The following ZNF575 variants were observed in gnomAD, a reference collection of about 807,000 sequenced individuals.
The protein encoded by ZNF575 is zinc finger protein 575.
ZNF575 carries 17 observed loss-of-function variants against 17.5 expected under a neutral mutation model. The observed-to-expected ratio is 0.97, with a 90% CI of 0.66 to 1.45. ZNF575 has a LOEUF of 1.45. ZNF575 is among the 40% of genes most tolerant of loss of function. ZNF575 has a pLI of 0.00. For missense variants in ZNF575, 352 were observed against 359.2 expected, an observed-to-expected ratio of 0.98 and a Z score of 0.16; for synonymous variants, 146 against 158.3, an observed-to-expected ratio of 0.92 and a Z score of 0.58.
chr19:43,533,447 G>T lies in ZNF575; in HGVS notation c.-269G>T, dbSNP rs1972369546. On this transcript the variant is annotated 5_prime_UTR_variant, in exon 1 of 4. Coordinates refer to ENST00000314228, the MANE Select transcript of ZNF575 (RefSeq NM_174945.3). ...GCTGGTCCGAGGGCAGTGCAGCAGC[G>T]GCGACAGCGGCTGCGGCCGTGGCCG... The T allele has an allele frequency of 6.6e-6, 1 of 152,108 alleles. No individual in the cohort carries two copies. Among genetic ancestry groups the T allele is most frequent in the African/African-American group, 2.4e-5 (1 of 41,414 alleles). 9.4% of individuals were successfully genotyped at this position (152,108 alleles called of 1,614,324 possible).
At chr19:43,532,390 G>A (rs1468520211), upstream of ZNF575, among the ~76,000 whole-genome samples, 1 of 152,168 alleles carries the variant, frequency 6.6e-6, no homozygotes, top group Non-Finnish European at 1.5e-5. Context: ...CCAGAGTGCT[G>A]GGATTACAGG....
At chr19:43,534,155 C>G (rs1253827488) in intron 2 of ZNF575, 182 bp from the exon 3 acceptor site, 2 of 509,500 alleles carry the variant, frequency 3.9e-6, no homozygotes, top group Non-Finnish European at 6.9e-6. Flanking sequence ...TGTGGAGACT[C>G]CGCCCACTCT....
At chr19:43,534,751 G>A (rs1253564661) in intron 3 of ZNF575, among the ~76,000 whole-genome samples, 1 of 152,164 alleles carries the variant, frequency 6.6e-6, no homozygotes, top group Non-Finnish European at 1.5e-5. Flanking sequence ...GGATGTCAGG[G>A]TGATCACTGG....
At chr19:43,534,093 C>T (rs1311410943) in intron 2 of ZNF575, 191 bp downstream of exon 2, 3 of 413,798 alleles carry the variant, frequency 7.2e-6, no homozygotes, top group Non-Finnish European at 1.3e-5. Flanking sequence ...GTCCCGCCCA[C>T]TCTGCGCATA....
chr19:43,536,022 T>G lies in ZNF575; in HGVS notation c.*335T>G. The G allele has an allele frequency of 3.3e-6, 1 of 307,592 alleles. No homozygotes were observed. The highest frequency in any genetic ancestry group is 6.1e-6 in the Non-Finnish European group (1 of 164,626). The allele number at this position is 307,592 out of a possible 1,614,324, so 19.1% of individuals were successfully genotyped here. ...AGGCTCTCTTGTTAAAAGTTTAAAC[T>G]GGTGTCTCCACTTTGGCCATATGAC... is the stretch of plus-strand genomic sequence containing the variant. On this transcript the variant is annotated 3_prime_UTR_variant, in exon 4 of 4. Transcript: ENST00000314228.
chr19:43,534,461 C>A lies in ZNF575; in HGVS notation c.39C>A (p.Thr13=). The A allele has an allele frequency of 6.6e-7, 1 of 1,517,282 alleles. No homozygotes were observed. 94.0% of individuals were successfully genotyped at this position (1,517,282 alleles called of 1,614,324 possible). ...ERGAESAAGA[T]DPSPTGKEPV... ...GCGCGGAGTCCGCGGCCGGGGCTAC[C>A]GATCCTAGTCCCACTGGCAAGGAAC... Residue 13 remains threonine (T), a synonymous_variant, in exon 3 of 4, where the codon ACC becomes ACA. Transcript: ENST00000314228.
At chr19:43,531,495 T>G (rs1361989908), upstream of ZNF575, among the ~76,000 whole-genome samples, 1 of 152,064 alleles carries the variant, frequency 6.6e-6, no homozygotes, top group African/African-American at 2.4e-5. Context: ...AGCAGGAGAA[T>G]CGCTTGAACT....
At chr19:43,531,007 G>A (rs1325610345), upstream of ZNF575, among the ~76,000 whole-genome samples, 2 of 152,026 alleles carry the variant, frequency 1.3e-5, no homozygotes, top group South Asian at 2.1e-4. Flanking sequence ...GGTTGGGCGC[G>A]GTGGCTCACA....
Position 43,535,020 on chromosome 19 carries a change from G to T in ZNF575, c.80-9G>T. The T allele has an allele frequency of 7.0e-7, 1 of 1,431,204 alleles. No individual in the cohort carries two copies. The highest frequency in any genetic ancestry group is 9.0e-7 in the Non-Finnish European group (1 of 1,105,110). The allele number at this position is 1,431,204 out of a possible 1,614,324, so 88.7% of individuals were successfully genotyped here. ...CTTCCTGGAGCCCACCAGCCCTCCTGTCCCCCAGCTCCCCACCAGGGCCCA... is the reference window on the plus strand; with the variant it reads ...CTTCCTGGAGCCCACCAGCCCTCCTTTCCCCCAGCTCCCCACCAGGGCCCA... On this transcript the variant is annotated splice_polypyrimidine_tract_variant and intron_variant, in intron 3 of 3. Coordinates refer to ENST00000314228, the MANE Select transcript of ZNF575 (RefSeq NM_174945.3).
chr19:43,535,323 C>G lies in ZNF575; in HGVS notation c.374C>G (p.Pro125Arg). ...CGCCCGCACCCGTGCCCACACTGCC[C>G]GAAGTCCTTTGGCCACCGCTCCAAG... is the stretch of plus-strand genomic sequence containing the variant. ...GARPHPCPHC[P>R]KSFGHRSKLA... is the part of the protein sequence containing the mutation. The change falls in exon 4 of 4, where the codon CCG (proline) becomes CGG (arginine). Residue 125 changes from proline (P) to arginine (R), a missense_variant. Transcript: ENST00000314228. The G allele has an allele frequency of 6.2e-7, 1 of 1,611,512 alleles. No individual in the cohort carries two copies. Among genetic ancestry groups the G allele is most frequent in the Admixed American group, 1.7e-5 (1 of 59,802 alleles).
chr19:43,535,711 CT>C lies in ZNF575; in HGVS notation c.*26del. ...GAGCCCTCCCTTGGCTCACTGTCCC[CT>C]TCTGCCGCCAGCCCTAGCCAGTAAG... On this transcript the variant is annotated 3_prime_UTR_variant, in exon 4 of 4. Transcript: ENST00000314228. 6.4e-7 allele frequency: 1 copy of C among 1,566,586 alleles called. No individual in the cohort carries two copies. The highest frequency in any genetic ancestry group is 1.1e-5 in the South Asian group (1 of 87,560).
At chr19:43,532,003 C>A, upstream of ZNF575, 1 of 404,572 alleles carries the variant, frequency 2.5e-6, no homozygotes, top group Non-Finnish European at 4.2e-6. Context: ...GTTGCCTAGG[C>A]TGGGATTTTT....
At position 43,535,731 on chromosome 19, in the gene ZNF575, C is replaced by T; in HGVS notation, c.*44C>T. On this transcript the variant is annotated 3_prime_UTR_variant, in exon 4 of 4. Transcript: ENST00000314228. ...GTCCCCTTCTGCCGCCAGCCCTAGC[C>T]AGTAAGAGGTGGGATTTCTAAGACC... 6.5e-7 allele frequency: 1 copy of T among 1,527,530 alleles called. No homozygotes were observed. The highest frequency in any genetic ancestry group is 8.8e-7 in the Non-Finnish European group (1 of 1,135,948). The allele number at this position is 1,527,530 out of a possible 1,614,324, so 94.6% of individuals were successfully genotyped here.
At position 43,533,442 on chromosome 19, in the gene ZNF575, G is replaced by C. The variant is rs1424280246; in HGVS notation, c.-274G>C. 1 of 152,208 alleles carries C rather than the reference G, an allele frequency of 6.6e-6. No individual in the cohort carries two copies. Among genetic ancestry groups the C allele is most frequent in the Non-Finnish European group, 1.5e-5 (1 of 68,086 alleles). The allele number at this position is 152,208 out of a possible 1,614,324, so 9.4% of individuals were successfully genotyped here. A position where few individuals can be genotyped will look rare whatever the true frequency, so the allele number is the denominator to read the frequency against. On this transcript the variant is annotated 5_prime_UTR_variant, in exon 1 of 4. Transcript: ENST00000314228. ...GCTCCGCTGGTCCGAGGGCAGTGCA[G>C]CAGCGGCGACAGCGGCTGCGGCCGT...
chr19:43,533,005 G>A (rs765581956), upstream of ZNF575: 1 of 151,522 alleles, frequency 6.6e-6, no homozygotes, highest in South Asian at 2.1e-4. Context: ...TTAGCAGCGA[G>A]CTCTTGAAAC....
Position 43,534,346 on chromosome 19 carries a change from C to T in ZNF575, c.-77C>T. On this transcript the variant is annotated 5_prime_UTR_variant, in exon 3 of 4. Transcript: ENST00000314228. ...TGATCCCTCATTTTAGGCCCTCCAA[C>T]CCTATCCCCATCAGCCTGGTCATCA... The T allele has an allele frequency of 7.1e-7, 1 of 1,401,898 alleles. No homozygotes were observed. The highest frequency in any genetic ancestry group is 9.8e-7 in the Non-Finnish European group (1 of 1,019,924). 86.8% of individuals were successfully genotyped at this position (1,401,898 alleles called of 1,614,324 possible).
Position 43,535,679 on chromosome 19 carries a change from A to C in ZNF575, c.730A>C (p.Arg244=), listed in dbSNP as rs778412381. 1.6e-5 allele frequency: 26 copies of C among 1,607,164 alleles called. No homozygotes were observed. The South Asian group carries it at 2.0e-4, about 12-fold the overall frequency. The change falls in exon 4 of 4, where the codon AGA becomes CGA. Residue 244 remains arginine, a synonymous_variant. Transcript: ENST00000314228. ...SHHQVEHKGE[R]D is the part of the protein sequence containing the mutation. ...CCACCAGGTGGAGCACAAGGGGGAG[A>C]GAGACTGAGCCCTCCCTTGGCTCAC...
chr19:43,535,815 A>G lies in ZNF575; in HGVS notation c.*128A>G, dbSNP rs1490836658. 3 of 1,114,376 alleles carry G rather than the reference A, an allele frequency of 2.7e-6. No homozygotes were observed. Among genetic ancestry groups the G allele is most frequent in the Non-Finnish European group, 3.7e-6 (3 of 803,726 alleles). 69.0% of individuals were successfully genotyped at this position (1,114,376 alleles called of 1,614,324 possible). ...CAGAGGGCAGGGCAAGGGATTGGCCATTTATACTGGGCTCGAGCTCAGAAG... is the reference window on the plus strand; with the variant it reads ...CAGAGGGCAGGGCAAGGGATTGGCCGTTTATACTGGGCTCGAGCTCAGAAG... On this transcript the variant is annotated 3_prime_UTR_variant, in exon 4 of 4. Transcript: ENST00000314228.
chr19:43,535,103 C>CGGCCTCGCCGGCG lies in ZNF575; in HGVS notation c.156_168dup (p.Pro57AlafsTer17). The CGGCCTCGCCGGCG allele has an allele frequency of 6.6e-7, 1 of 1,513,448 alleles. No homozygotes were observed. 93.8% of individuals were successfully genotyped at this position (1,513,448 alleles called of 1,614,324 possible). ...CACCGCGTCCGCGGGCTCGCCTCCC[C>CGGCCTCGCCGGCG]GGCCTCGCCGGCGGCCCCCGCCCCA... On this transcript the variant is annotated frameshift_variant, in exon 4 of 4. Transcript: ENST00000314228. LOFTEE classifies it high-confidence loss of function.
Sources: allele counts gnomAD v4.1 joint callset (sites outside exome capture counted in the v4.1 genomes callset), GRCh38; gene constraint gnomAD v4.1.1; transcripts MANE v1.5; gene names NCBI Gene and HGNC (gene_info 2026-07-23, HGNC 2026-07-21).